Variants in INPP4B observed in about 807,000 individuals in gnomAD.
INPP4B encodes inositol polyphosphate 4-phosphatase type II.
A neutral mutation model predicts 122.5 loss-of-function variants in INPP4B; 55 were observed. The ratio of observed to expected loss-of-function variants is 0.45; its 90% confidence interval spans 0.36 to 0.56. INPP4B has a LOEUF of 0.56. Among genes scored for constraint, INPP4B ranks in the 20% least tolerant of loss-of-function variants. The pLI, the probability that INPP4B is intolerant of heterozygous loss-of-function variation, is 0.00. For synonymous variants in INPP4B, 403 were observed against 388.7 expected, an observed-to-expected ratio of 1.04 and a Z score of -0.43; for missense variants, 1,000 against 1,097.7, an observed-to-expected ratio of 0.91 and a Z score of 1.26.
At chr4:142,642,004 T>C (rs562060781) in intron 2 of INPP4B, among the ~76,000 whole-genome samples, 151 of 152,370 alleles carry the variant, frequency 9.9e-4, no homozygotes, top group African/African-American at 3.2e-3. Context: ...GATTTGCATT[T>C]CTCTGATGAC....
In INPP4B at chr4:142,089,080, C is replaced by T. The variant is rs367921632; in HGVS notation, c.2375-2824G>A. Among the ~76,000 whole-genome samples, 3 of 152,134 alleles carry T rather than the reference C, an allele frequency of 2.0e-5. No individual in the cohort carries two copies. In the East Asian group the frequency reaches 5.8e-4, roughly 29 times the overall value. ...GGCATGAGCCAGTACTGCAGAAACA[C>T]GGAGTGTGCAGTTCAGAATGTCCTT... On this transcript the variant is annotated intron_variant, in intron 23 of 25. Coordinates refer to ENST00000262992, the MANE Select transcript of INPP4B (RefSeq NM_001101669.3).
At chr4:142,396,244 G>A (rs982461367) in intron 7 of INPP4B, among the ~76,000 whole-genome samples, 6 of 152,094 alleles carry the variant, frequency 3.9e-5, no homozygotes, top group Admixed American at 6.5e-5. Context: ...CACAATGTAT[G>A]AAGAACTCTG....
intron 2 of INPP4B, among the ~76,000 whole-genome samples, chr4:142,656,187 G>T (rs1312244125): frequency 2.6e-5 from 4 of 152,254 alleles, no homozygotes; most frequent in African/African-American, 9.6e-5. Context: ...GTGCTCTAGT[G>T]GAGAGACTCT....
intron 2 of INPP4B, among the ~76,000 whole-genome samples, chr4:142,593,104 TA>T (rs70949176): frequency 0.016 from 2,317 of 142,906 alleles, 35 homozygotes; most frequent in African/African-American, 0.044. Flanking sequence ...ATCCTGTTTT[TA>T]AAAAAAAAAA....
chr4:142,077,196 G>A (rs1771257270), intron 25 of INPP4B, among the ~76,000 whole-genome samples: 1 of 151,856 alleles, frequency 6.6e-6, no homozygotes, highest in Admixed American at 6.6e-5. Flanking sequence ...AATGACTAAA[G>A]CCCTGTATTG....
chr4:142,596,607 T>TG (rs1370218505), intron 2 of INPP4B, among the ~76,000 whole-genome samples: 1 of 152,196 alleles, frequency 6.6e-6, no homozygotes, highest in East Asian at 1.9e-4. Flanking sequence ...CGATAAACAA[T>TG]GTTTAAAATT....
intron 2 of INPP4B, among the ~76,000 whole-genome samples, chr4:142,513,652 C>T (rs1182225477): frequency 1.3e-5 from 2 of 152,186 alleles, no homozygotes; most frequent in South Asian, 2.1e-4. Context: ...AGGTGATCCA[C>T]TTGCCTCGGC....
At chr4:142,167,616 T>G (rs1823447580) in intron 16 of INPP4B, among the ~76,000 whole-genome samples, 1 of 151,754 alleles carries the variant, frequency 6.6e-6, no homozygotes, top group South Asian at 2.1e-4. Context: ...TCTAGTTATT[T>G]GAACATACAT....
intron 14 of INPP4B, among the ~76,000 whole-genome samples, chr4:142,194,620 T>C (rs1273067525): frequency 1.3e-5 from 2 of 152,168 alleles, no homozygotes; most frequent in Admixed American, 6.6e-5. Context: ...CTGAGGATCA[T>C]TAGAAGTTAA....
At chr4:142,051,447 G>A (rs1754538517) in intron 25 of INPP4B, among the ~76,000 whole-genome samples, 1 of 151,912 alleles carries the variant, frequency 6.6e-6, no homozygotes, top group South Asian at 2.1e-4. Context: ...ACTTCTGGGA[G>A]CTAGCAACAT....
At chr4:142,207,569 G>A (rs1346343635) in intron 14 of INPP4B, among the ~76,000 whole-genome samples, 1 of 152,090 alleles carries the variant, frequency 6.6e-6, no homozygotes, top group Non-Finnish European at 1.5e-5. Flanking sequence ...GATAACTTCA[G>A]GCCCCCTAAA....
chr4:142,654,503 C>T (rs1189609597), intron 2 of INPP4B: 3 of 151,452 alleles, frequency 2.0e-5, no homozygotes, highest in African/African-American at 7.3e-5. Flanking sequence ...TAGTTACAAA[C>T]TCTGTGGATT....
At chr4:142,744,493 C>T (rs181825361) in intron 1 of INPP4B, among the ~76,000 whole-genome samples, 13 of 151,800 alleles carry the variant, frequency 8.6e-5, no homozygotes, top group South Asian at 4.1e-4. Context: ...TCCCCAAACA[C>T]GTCATGGTCA....
chr4:142,808,492 A>G (rs1208875572), intron 1 of INPP4B, among the ~76,000 whole-genome samples: 6 of 152,180 alleles, frequency 3.9e-5, no homozygotes, highest in Admixed American at 3.9e-4. Flanking sequence ...TCTCAGCTGT[A>G]CTTCCCACTG....
chr4:142,677,509 T>C (rs1757988271), intron 2 of INPP4B, among the ~76,000 whole-genome samples: 1 of 152,068 alleles, frequency 6.6e-6, no homozygotes, highest in African/African-American at 2.4e-5. Flanking sequence ...CCCAAAGGAT[T>C]ATAAATCATT....
At chr4:142,762,341 T>C (rs1385224718) in intron 1 of INPP4B, among the ~76,000 whole-genome samples, 1 of 152,042 alleles carries the variant, frequency 6.6e-6, no homozygotes, top group Non-Finnish European at 1.5e-5. Context: ...CAAATACATA[T>C]GCACAGATTT....
intron 1 of INPP4B, among the ~76,000 whole-genome samples, chr4:142,753,751 C>A (rs533740106): frequency 6.6e-6 from 1 of 151,844 alleles, no homozygotes; most frequent in African/African-American, 2.4e-5. Flanking sequence ...CTCCTATGTA[C>A]AAAAAAGATG....
intron 23 of INPP4B, among the ~76,000 whole-genome samples, 178 bp from the exon 24 acceptor site, chr4:142,086,434 G>A (rs560331231): frequency 8.5e-4 from 130 of 152,282 alleles, no homozygotes; most frequent in Admixed American, 1.7e-3. Flanking sequence ...CTGCAGCCCA[G>A]CCTCAATTTC....
intron 2 of INPP4B, among the ~76,000 whole-genome samples, chr4:142,719,478 C>T (rs900293487): frequency 6.6e-6 from 1 of 151,938 alleles, no homozygotes; most frequent in Non-Finnish European, 1.5e-5. Flanking sequence ...GTGCCCGTCA[C>T]ATGCCCAGCT....
Sources: gnomAD v4.1 joint callset for allele counts (sites outside exome capture counted in the v4.1 genomes callset) on GRCh38, gnomAD v4.1.1 for gene constraint, MANE v1.5 for transcripts, NCBI Gene and HGNC (gene_info 2026-07-23, HGNC 2026-07-21) for gene names.